The following IPO11 variants were observed in gnomAD, a reference collection of about 807,000 sequenced individuals.
IPO11 encodes importin 11.
In IPO11, 66 loss-of-function variants were observed where a neutral mutation model predicts 143.2. That is an observed-to-expected ratio of 0.46 (90% CI 0.38 to 0.57). The LOEUF (loss-of-function observed/expected upper bound fraction) is 0.57, where lower values mean the gene tolerates loss of function less well. Ranked by LOEUF, IPO11 falls within the 20% of genes least tolerant of loss-of-function variation. The pLI is 0.00. For synonymous variants in IPO11, 385 were observed against 377.8 expected, an observed-to-expected ratio of 1.02 and a Z score of -0.22; for missense variants, 1,026 against 1,141.0, an observed-to-expected ratio of 0.90 and a Z score of 1.45.
chr5:62,494,581 T>C (rs1676521397), intron 16 of IPO11, among the ~76,000 whole-genome samples: 1 of 152,084 alleles, frequency 6.6e-6, no homozygotes, highest in Non-Finnish European at 1.5e-5. Context: ...TTATTGTTGA[T>C]TTTGTTACTG....
Position 62,490,151 on chromosome 5 carries a change from T to A in IPO11, c.1394T>A (p.Phe465Tyr), listed in dbSNP as rs1746551802. ...NAVGLAAYEL[F>Y]DSVDFDQWFK... is the part of the protein sequence containing the mutation. The stretch of plus-strand genomic sequence containing the variant: ...GTTGGATTAGCTGCTTATGAGCTCT[T>A]TGACAGTGTTGATTTTGATCAGTGG... The change falls in exon 15 of 30, where the codon TTT becomes TAT. Residue 465 changes from phenylalanine to tyrosine, a missense_variant. Transcript: ENST00000325324. 1.2e-6 allele frequency: 2 copies of A among 1,606,096 alleles called. No homozygotes were observed. Among genetic ancestry groups the A allele is most frequent in the Non-Finnish European group, 1.7e-6 (2 of 1,176,336 alleles).
intron 27 of IPO11, chr5:62,580,017 G>C: frequency 6.4e-7 from 1 of 1,551,198 alleles, no homozygotes; most frequent in Non-Finnish European, 8.7e-7. Flanking sequence ...ATAACATTTT[G>C]AGGATATCAG....
chr5:62,459,804 CTCCCAAAG>C (rs1383423365), intron 5 of IPO11, among the ~76,000 whole-genome samples: 2 of 152,166 alleles, frequency 1.3e-5, no homozygotes, highest in African/African-American at 2.4e-5. Flanking sequence ...CAGCCTTGGC[CTCCCAAAG>C]TGCTGGGATT....
intron 8 of IPO11, among the ~76,000 whole-genome samples, chr5:62,475,919 T>G (rs1232350166): frequency 5.3e-5 from 8 of 152,220 alleles, no homozygotes; most frequent in Non-Finnish European, 1.0e-4. Context: ...AAGTGTGTGT[T>G]TGTGTGTTTG....
chr5:62,482,596 A>G (rs1746253505), intron 9 of IPO11, among the ~76,000 whole-genome samples: 1 of 152,178 alleles, frequency 6.6e-6, no homozygotes, highest in African/African-American at 2.4e-5. Context: ...TCATTTGCCT[A>G]GATCCATTAT....
intron 27 of IPO11, among the ~76,000 whole-genome samples, chr5:62,584,750 G>GT (rs546235754): frequency 0.11 from 14,390 of 131,332 alleles, 685 homozygotes; most frequent in South Asian, 0.17. Flanking sequence ...TTTTGTTTTT[G>GT]TTTTTTTTTT....
intron 1 of IPO11, among the ~76,000 whole-genome samples, chr5:62,415,070 A>G (rs1218078286): frequency 2.0e-5 from 3 of 152,228 alleles, no homozygotes; most frequent in Non-Finnish European, 2.9e-5. Flanking sequence ...TCATTCAATA[A>G]CAAACGTCTA....
intron 8 of IPO11, among the ~76,000 whole-genome samples, chr5:62,474,811 A>G (rs765795742): frequency 1.3e-4 from 20 of 152,158 alleles, no homozygotes; most frequent in African/African-American, 1.9e-4. Context: ...TTTGTGTACT[A>G]TGCTTTTTTG....
chr5:62,415,611 G>A (rs181352905), intron 1 of IPO11, among the ~76,000 whole-genome samples: 340 of 151,862 alleles, frequency 2.2e-3, no homozygotes, highest in African/African-American at 7.6e-3. Context: ...TGGGATTACC[G>A]GCATGCACCG....
rs1463046770 is a variant in IPO11 at position 62,487,819 on chromosome 5, A to T, written c.1267A>T (p.Thr423Ser). 1 of 1,609,816 alleles carries T rather than the reference A, an allele frequency of 6.2e-7. No homozygotes were observed. The highest frequency in any genetic ancestry group is 8.5e-7 in the Non-Finnish European group (1 of 1,178,740). Residue 423 changes from threonine (T) to serine (S), a missense_variant, in exon 13 of 30, where the codon ACT becomes TCT. By Grantham distance (58) the Thr-to-Ser change is moderately conservative (BLOSUM62 1). Transcript: ENST00000325324. ...AGATATATTCCATGAATATAATCAG[A>T]CTCTTACTCCTGTACTTCTAGAAAT... ...FIDIFHEYNQ[T>S]LTPVLLEMMQ...
intron 29 of IPO11, among the ~76,000 whole-genome samples, chr5:62,623,635 T>C (rs569232308): frequency 9.9e-5 from 15 of 150,978 alleles, no homozygotes; most frequent in Non-Finnish European, 1.9e-4. Context: ...TTTCTTTCTT[T>C]CTTCTTTTTC....
intron 27 of IPO11, chr5:62,580,634 T>C: frequency 1.3e-6 from 2 of 1,551,500 alleles, no homozygotes; most frequent in Non-Finnish European, 1.7e-6. Context: ...TTACGTTATA[T>C]TAACATTACA....
intron 20 of IPO11, among the ~76,000 whole-genome samples, chr5:62,521,618 C>T (rs1742203829): frequency 6.6e-6 from 1 of 152,068 alleles, no homozygotes; most frequent in South Asian, 2.1e-4. Flanking sequence ...TAGATGACTC[C>T]ATTGTATTTT....
chr5:62,590,728 CTTTTATAGA>C (rs1744978157), intron 27 of IPO11, among the ~76,000 whole-genome samples: 2 of 152,040 alleles, frequency 1.3e-5, no homozygotes. Context: ...AAAGTCTGCA[CTTTTATAGA>C]TTTACCTCCT....
chr5:62,613,549 C>T (rs543069597), intron 29 of IPO11, among the ~76,000 whole-genome samples: 6 of 152,022 alleles, frequency 3.9e-5, no homozygotes, highest in East Asian at 3.9e-4. Flanking sequence ...GCAATCGGCC[C>T]GCCTCAGCCT....
At chr5:62,487,627 C>T in intron 12 of IPO11, 144 bp from the exon 13 acceptor site, 1 of 788,734 alleles carries the variant, frequency 1.3e-6, no homozygotes, top group South Asian at 6.0e-5. Context: ...AAATGGTAAC[C>T]TTACTTTTTT....
chr5:62,587,320 G>A (rs553878699), intron 27 of IPO11, among the ~76,000 whole-genome samples: 2 of 152,132 alleles, frequency 1.3e-5, no homozygotes, highest in African/African-American at 4.8e-5. Flanking sequence ...TTCCACTATG[G>A]TTTTTTAGCT....
chr5:62,525,617 C>T (rs1742346058), intron 20 of IPO11, among the ~76,000 whole-genome samples: 1 of 152,220 alleles, frequency 6.6e-6, no homozygotes, highest in Non-Finnish European at 1.5e-5. Flanking sequence ...CTCCTGGCCC[C>T]AAGCAGTCCT....
At position 62,580,354 on chromosome 5, in the gene IPO11, A is replaced by T. The variant is rs1376572341; in HGVS notation, c.2583-11223A>T. The stretch of plus-strand genomic sequence containing the variant: ...TTTGTTAAAGAATTTAATTTACCTT[A>T]AGTTAGATAGAAACAGAATAATTAG... On this transcript the variant is annotated intron_variant, in intron 27 of 29. Transcript: ENST00000325324. 1.9e-6 allele frequency: 3 copies of T among 1,544,572 alleles called. No individual in the cohort carries two copies. In the Admixed American group the frequency reaches 5.9e-5, roughly 30 times the overall value.
Sources: gnomAD v4.1 joint callset for allele counts (sites outside exome capture counted in the v4.1 genomes callset) on GRCh38, gnomAD v4.1.1 for gene constraint, MANE v1.5 for transcripts, NCBI Gene and HGNC (gene_info 2026-07-23, HGNC 2026-07-21) for gene names.